OR14J1: variants seen among roughly 807,000 people sequenced by gnomAD.
The protein encoded by OR14J1 is olfactory receptor family 14 subfamily J member 1.
For synonymous variants in OR14J1, 140 were observed against 146.7 expected, an observed-to-expected ratio of 0.95 and a Z score of 0.33; for missense variants, 378 against 393.4, an observed-to-expected ratio of 0.96 and a Z score of 0.33.
chr6:29,307,300 C>T lies in OR14J1; in HGVS notation c.611C>T (p.Ala204Val), dbSNP rs139154957. Reference protein sequence around the residue: ...EIALAAFTTSAAFICLISIVL... With the variant: ...EIALAAFTTSVAFICLISIVL... ...GCACTGGCTGCATTCACAACGTCTG[C>T]AGCATTTATCTGTTTGATCTCCATT... Residue 204 changes from alanine (A) to valine (V), a missense_variant, in exon 2 of 2, where the codon GCA becomes GTA. Transcript: ENST00000641895. 9.3e-6 allele frequency: 15 copies of T among 1,612,930 alleles called. No homozygotes were observed. The highest frequency in any genetic ancestry group is 1.3e-5 in the Non-Finnish European group (15 of 1,180,016).
intron 1 of OR14J1, among the ~76,000 whole-genome samples, chr6:29,303,688 CTCTA>C (rs70983984): frequency 0.25 from 36,741 of 148,908 alleles, 4,759 homozygotes; most frequent in Non-Finnish European, 0.3. Flanking sequence ...TTAAGATTAT[CTCTA>C]TCTATCTATC....
intron 1 of OR14J1, among the ~76,000 whole-genome samples, chr6:29,304,435 C>T (rs1326534979): frequency 6.6e-6 from 1 of 152,092 alleles, no homozygotes; most frequent in Non-Finnish European, 1.5e-5. Flanking sequence ...TCATTATACT[C>T]TCCACCAAAA....
Position 29,308,171 on chromosome 6 carries a change from A to G in OR14J1, c.*516A>G, listed in dbSNP as rs1217377607. ...CTTCTAGCTATAACATATTGTCCCCATTTTGCCAATAGGAACAATAAATTT... is the reference window on the plus strand; with the variant it reads ...CTTCTAGCTATAACATATTGTCCCCGTTTTGCCAATAGGAACAATAAATTT... On this transcript the variant is annotated 3_prime_UTR_variant, in exon 2 of 2. Coordinates refer to ENST00000641895, the MANE Select transcript of OR14J1 (RefSeq NM_030946.2). 1.3e-5 allele frequency: 2 copies of G among 152,142 alleles called. No individual in the cohort carries two copies. Among genetic ancestry groups the G allele is most frequent in the African/African-American group, 4.8e-5 (2 of 41,436 alleles). 9.4% of individuals were successfully genotyped at this position (152,142 alleles called of 1,614,324 possible).
chr6:29,305,853 A>G (rs1198203188), intron 1 of OR14J1, among the ~76,000 whole-genome samples: 1 of 152,098 alleles, frequency 6.6e-6, no homozygotes, highest in Non-Finnish European at 1.5e-5. Flanking sequence ...GAGACACAGC[A>G]CTAGAAAGAT....
chr6:29,302,768 G>A (rs896177726), intron 1 of OR14J1, among the ~76,000 whole-genome samples: 1 of 152,232 alleles, frequency 6.6e-6, no homozygotes, highest in African/African-American at 2.4e-5. Context: ...GTTACAAGAT[G>A]TGATCTGCAT....
chr6:29,305,624 C>G lies in OR14J1; in HGVS notation c.-28-1038C>G, dbSNP rs573922522. Among the ~76,000 whole-genome samples the G allele has an allele frequency of 2.0e-5, 3 of 151,934 alleles. No homozygotes were observed. In the South Asian group the frequency reaches 6.2e-4, roughly 31 times the overall value. On this transcript the variant is annotated intron_variant, in intron 1 of 1. Coordinates refer to ENST00000641895, the MANE Select transcript of OR14J1 (RefSeq NM_030946.2). ...TAGTTAGCAGAGTGATTCTGATACA[C>G]AAAATAATTCTATGATGGTGTTGAT...
At chr6:29,302,806 A>C (rs1774805979) in intron 1 of OR14J1, among the ~76,000 whole-genome samples, 1 of 152,258 alleles carries the variant, frequency 6.6e-6, no homozygotes, top group Non-Finnish European at 1.5e-5. Context: ...ACAGCATTGA[A>C]GTTGGATTAG....
Position 29,306,734 on chromosome 6 carries a change from T to C in OR14J1, c.45T>C (p.Phe15=), listed in dbSNP as rs1252225270. The change falls in exon 2 of 2, where the codon TTT becomes TTC. Residue 15 remains phenylalanine (F), a synonymous_variant. Transcript: ENST00000641895. ...TSMSGFLLMG[F]SDERKLQILH... ...TGAGTGGATTCCTTCTTATGGGGTT[T>C]TCTGATGAGCGTAAGCTTCAGATTT... 6.2e-7 allele frequency: 1 copy of C among 1,613,042 alleles called. No individual in the cohort carries two copies. Among genetic ancestry groups the C allele is most frequent in the Non-Finnish European group, 8.5e-7 (1 of 1,180,002 alleles).
rs780217815 is a variant in OR14J1, at chr6:29,307,265, T to C, written c.576T>C (p.Ile192=). ...AACTAGCCTGTTCTTATGAATTCAT[T>C]AATGAGATTGCACTGGCTGCATTCA... is the stretch of plus-strand genomic sequence containing the variant. The part of the protein sequence containing the change: ...MLKLACSYEF[I]NEIALAAFTT... Residue 192 remains isoleucine, a synonymous_variant, in exon 2 of 2, where the codon ATT becomes ATC. Transcript: ENST00000641895. The C allele has an allele frequency of 6.8e-6, 11 of 1,612,944 alleles. No individual in the cohort carries two copies. The South Asian group carries it at 1.2e-4, about 18-fold the overall frequency.
At chr6:29,304,539 A>T (rs34778420) in intron 1 of OR14J1, among the ~76,000 whole-genome samples, 16,164 of 152,184 alleles carry the variant, frequency 0.11, 980 homozygotes, top group South Asian at 0.14. Context: ...TATCATCCTT[A>T]ATCCTAAGAG....
chr6:29,302,954 T>C (rs1774814004), intron 1 of OR14J1, among the ~76,000 whole-genome samples: 1 of 152,196 alleles, frequency 6.6e-6, no homozygotes, highest in Admixed American at 6.5e-5. Context: ...GATATACAGA[T>C]TAAAGCAAAG....
rs1775350915 is a variant in OR14J1, at chr6:29,309,465, T to A, written c.*1810T>A. ...ATCCTTGAGGAATCGCCACACTGTT[T>A]CCACAATGGTTGAACTAGTTTACAG... On this transcript the variant is annotated 3_prime_UTR_variant, in exon 2 of 2. Coordinates refer to ENST00000641895, the MANE Select transcript of OR14J1 (RefSeq NM_030946.2). 6.6e-6 allele frequency: 1 copy of A among 152,248 alleles called. No individual in the cohort carries two copies. Among genetic ancestry groups the A allele is most frequent in the African/African-American group, 2.4e-5 (1 of 41,450 alleles). 9.4% of individuals were successfully genotyped at this position (152,248 alleles called of 1,614,324 possible). A position where few individuals can be genotyped will look rare whatever the true frequency, so the allele number is the denominator to read the frequency against.
intron 1 of OR14J1, among the ~76,000 whole-genome samples, 185 bp downstream of exon 1, chr6:29,301,972 A>T (rs929547188): frequency 3.9e-5 from 6 of 152,264 alleles, no homozygotes; most frequent in Admixed American, 2.0e-4. Flanking sequence ...TATAAATTAT[A>T]AAAAAGTATA....
At position 29,310,495 on chromosome 6, in the gene OR14J1, A is replaced by G. The variant is rs1356567919; in HGVS notation, c.*2840A>G. On this transcript the variant is annotated 3_prime_UTR_variant, in exon 2 of 2. Transcript: ENST00000641895. The stretch of plus-strand genomic sequence containing the variant: ...ATATATCTGTTTTGGCACCAGTAAC[A>G]TGCTGTTTTGGTTACTGTAGCTTTG... The G allele has an allele frequency of 3.9e-5, 6 of 152,214 alleles. No individual in the cohort carries two copies. Among genetic ancestry groups the G allele is most frequent in the African/African-American group, 7.2e-5 (3 of 41,456 alleles). The allele number at this position is 152,214 out of a possible 1,614,324, so 9.4% of individuals were successfully genotyped here. A position where few individuals can be genotyped will look rare whatever the true frequency, so the allele number is the denominator to read the frequency against.
chr6:29,306,794 G>A lies in OR14J1; in HGVS notation c.105G>A (p.Leu35=). Residue 35 remains leucine, a synonymous_variant, in exon 2 of 2, where the codon CTG becomes CTA. Coordinates refer to ENST00000641895, the MANE Select transcript of OR14J1 (RefSeq NM_030946.2). ...HALVFLVTYL[L]ALTGNLLIIT... is the part of the protein sequence containing the mutation. ...TGGTATTTCTGGTGACATACCTGCT[G>A]GCCTTGACAGGCAACCTCCTCATTA... The A allele has an allele frequency of 6.2e-7, 1 of 1,612,878 alleles. No homozygotes were observed. The highest frequency in any genetic ancestry group is 8.5e-7 in the Non-Finnish European group (1 of 1,179,882).
In OR14J1 at chr6:29,307,561, G is replaced by A. The variant is rs147619517; in HGVS notation, c.872G>A (p.Arg291Gln). ...CTCAATCCAGTCATTTATAGCTTACGGAATGATTCCATGAAGGCAGCACTG... is the reference window on the plus strand; with the variant it reads ...CTCAATCCAGTCATTTATAGCTTACAGAATGATTCCATGAAGGCAGCACTG... Reference protein sequence around the residue: ...PTLNPVIYSLRNDSMKAALRK... With the variant: ...PTLNPVIYSLQNDSMKAALRK... Residue 291 changes from arginine (R) to glutamine (Q), a missense_variant, in exon 2 of 2, where the codon CGG becomes CAG. Arg to Gln is a conservative substitution (Grantham distance 43). Coordinates refer to ENST00000641895, the MANE Select transcript of OR14J1 (RefSeq NM_030946.2). The A allele has an allele frequency of 1.2e-5, 20 of 1,612,602 alleles. No homozygotes were observed. The highest frequency in any genetic ancestry group is 3.3e-5 in the South Asian group (3 of 91,080).
At chr6:29,306,438 A>T (rs1266342023) in intron 1 of OR14J1, among the ~76,000 whole-genome samples, 1 of 152,210 alleles carries the variant, frequency 6.6e-6, no homozygotes, top group Non-Finnish European at 1.5e-5. Context: ...CCTCTTTGAC[A>T]ATGCAAACTC....
Position 29,307,342 on chromosome 6 carries a change from G to T in OR14J1, c.653G>T (p.Arg218Leu), listed in dbSNP as rs150501526. ...ATCTCCATTGTGCTCTCCTACATTC[G>T]CATCTTCTCTACAGTGCTGAGAATC... Reference protein sequence around the residue: ...CLISIVLSYIRIFSTVLRIPS... With the variant: ...CLISIVLSYILIFSTVLRIPS... The change falls in exon 2 of 2, where the codon CGC (arginine) becomes CTC (leucine). Residue 218 changes from arginine (R) to leucine (L), a missense_variant. Coordinates refer to ENST00000641895, the MANE Select transcript of OR14J1 (RefSeq NM_030946.2). 4.3e-6 allele frequency: 7 copies of T among 1,612,870 alleles called. 1 individual carries two copies. Among genetic ancestry groups the T allele is most frequent in the African/African-American group, 2.7e-5 (2 of 74,894 alleles).
At position 29,307,418 on chromosome 6, in the gene OR14J1, A is replaced by G; in HGVS notation, c.729A>G (p.Leu243=). The change falls in exon 2 of 2, where the codon CTA becomes CTG. Residue 243 remains leucine, a synonymous_variant. Coordinates refer to ENST00000641895, the MANE Select transcript of OR14J1 (RefSeq NM_030946.2). ...TCTTCTCCACCTGCCTACCACACCT[A>G]TTTGTAGCCACCTTCTTTCTTTCAG... ...TKVFSTCLPH[L]FVATFFLSAA... is the part of the protein sequence containing the mutation. The G allele has an allele frequency of 6.2e-7, 1 of 1,612,992 alleles. No individual in the cohort carries two copies. Among genetic ancestry groups the G allele is most frequent in the Non-Finnish European group, 8.5e-7 (1 of 1,180,010 alleles).
Sources: allele counts gnomAD v4.1 joint callset (sites outside exome capture counted in the v4.1 genomes callset), GRCh38; gene constraint gnomAD v4.1.1; transcripts MANE v1.5; gene names NCBI Gene and HGNC (gene_info 2026-07-23, HGNC 2026-07-21).